The following NFATC1 variants were observed in gnomAD, a reference collection of about 807,000 sequenced individuals.
NFATC1 encodes the protein nuclear factor of activated T-cells, cytoplasmic 1.
A neutral mutation model predicts 76.0 loss-of-function variants in NFATC1; 22 were observed. The ratio of observed to expected loss-of-function variants is 0.29; its 90% CI spans 0.21 to 0.41. The LOEUF is 0.41. NFATC1 is among the 10% of genes least tolerant of loss of function. The pLI is 1.00. For missense variants in NFATC1, 1,357 were observed against 1,337.7 expected (o/e 1.01, Z -0.23); for synonymous variants, 704 against 613.1 (o/e 1.15, Z -2.19).
rs62096875 is a variant in NFATC1, at chr18:79,410,903, G to T, written c.628G>T (p.Val210Leu). The T allele has an allele frequency of 1.9e-6, 3 of 1,608,340 alleles. No individual in the cohort carries two copies. Among genetic ancestry groups the T allele is most frequent in the South Asian group, 2.2e-5 (2 of 90,690 alleles). The change falls in exon 2 of 10, where the codon GTG (valine) becomes TTG (leucine). Residue 210 changes from valine (V) to leucine (L), a missense_variant. By Grantham distance (32) the Val-to-Leu change is conservative (BLOSUM62 1). Coordinates refer to ENST00000427363, the MANE Select transcript of NFATC1 (RefSeq NM_001278669.2). The surrounding 1 kb of genome is among the most constrained non-coding windows in gnomAD (Gnocchi z 6.7). ...PQTSPWQSPC[V>L]SPKTTDPEEG... The stretch of plus-strand genomic sequence containing the variant: ...GACGTCGCCATGGCAGTCTCCCTGC[G>T]TGTCTCCCAAGACCACGGACCCCGA...
chr18:79,477,112 C>T (rs988747332), intron 8 of NFATC1, among the ~76,000 whole-genome samples: 3 of 152,170 alleles, frequency 2.0e-5, no homozygotes, highest in Admixed American at 1.3e-4. Context: ...CTCTCAGCCT[C>T]GAGGGATGGG....
At chr18:79,458,991 G>T (rs1298733766) in intron 6 of NFATC1, among the ~76,000 whole-genome samples, 1 of 152,220 alleles carries the variant, frequency 6.6e-6, no homozygotes, top group African/African-American at 2.4e-5. Flanking sequence ...CCCTCACCCT[G>T]GTCGACCTGA....
rs186399291 is a variant in NFATC1, at chr18:79,434,402, G to A, written c.1386+664G>A. On this transcript the variant is annotated intron_variant, in intron 3 of 9. Coordinates refer to ENST00000427363, the MANE Select transcript of NFATC1 (RefSeq NM_001278669.2). ...GTCGAGGGAGGGGTGTAATGACCGC[G>A]CCAGGGACGGGCAGCGTCTGCACAG... is the stretch of plus-strand genomic sequence containing the variant. 8.5e-5 allele frequency among the ~76,000 whole-genome samples: 13 copies of A among 152,332 alleles called. No homozygotes were observed. The East Asian group carries it at 2.1e-3, about 25-fold the overall frequency.
intron 8 of NFATC1, chr18:79,469,717 G>A (rs1190657932): frequency 2.0e-5 from 20 of 985,760 alleles, no homozygotes; most frequent in Non-Finnish European, 2.2e-5. Context: ...GCCTTCGCCC[G>A]TTCTCCCTCT....
At position 79,464,648 on chromosome 18, in the gene NFATC1, TTGTGTG is replaced by T. The variant is rs140357862; in HGVS notation, c.1960-2784_1960-2779del. On this transcript the variant is annotated intron_variant, in intron 7 of 9. Transcript: ENST00000427363. Reference sequence around the variant, plus strand: ...TACATTATATTGTGGATATATGTGTTTGTGTGTGTGTGTGTGTGTGTGTATATGTAT... The same window carrying T: ...TACATTATATTGTGGATATATGTGTTTGTGTGTGTGTGTGTGTATATGTAT... 1.5e-4 allele frequency among the ~76,000 whole-genome samples: 20 copies of T among 131,634 alleles called. 1 individual carries two copies. The highest frequency in any genetic ancestry group is 4.6e-4 in the South Asian group (2 of 4,320). The allele number at this position is 131,634 out of a possible 152,430, so 86.4% of individuals were successfully genotyped here.
chr18:79,497,415 G>C (rs2089917193), intron 9 of NFATC1: 1 of 152,228 alleles, frequency 6.6e-6, no homozygotes, highest in South Asian at 2.1e-4. Context: ...TGACAGCACA[G>C]ACCGTGGAGG....
At chr18:79,454,387 T>G (rs1242934919) in intron 6 of NFATC1, among the ~76,000 whole-genome samples, 1 of 152,168 alleles carries the variant, frequency 6.6e-6, no homozygotes, top group African/African-American at 2.4e-5. Flanking sequence ...CTCTGAGCTT[T>G]GGGAAGTTTT....
At chr18:79,483,627 C>A (rs2089393942) in intron 8 of NFATC1, among the ~76,000 whole-genome samples, 1 of 136,532 alleles carries the variant, frequency 7.3e-6, no homozygotes, top group Non-Finnish European at 1.6e-5. Context: ...CCTGGGGCGT[C>A]ACTCTGGCGT....
intron 8 of NFATC1, among the ~76,000 whole-genome samples, chr18:79,483,724 G>A (rs1425444159): frequency 2.1e-5 from 3 of 145,250 alleles, no homozygotes; most frequent in Non-Finnish European, 3.0e-5. Context: ...TAATTCCAGC[G>A]TGACCTGGTC....
At chr18:79,439,305 G>A (rs1048204620) in intron 3 of NFATC1, among the ~76,000 whole-genome samples, 1 of 152,202 alleles carries the variant, frequency 6.6e-6, no homozygotes, top group African/African-American at 2.4e-5. Context: ...CCCACCAGGA[G>A]CTGTGCTATT....
intron 7 of NFATC1, among the ~76,000 whole-genome samples, 158 bp downstream of exon 7, chr18:79,461,524 G>C (rs2088095889): frequency 9.2e-6 from 1 of 108,782 alleles, no homozygotes; most frequent in Admixed American, 8.4e-5. Flanking sequence ...AACAGAACCA[G>C]TAACAAACAG....
At chr18:79,521,018 GAT>G (rs2090537649) in intron 9 of NFATC1, among the ~76,000 whole-genome samples, 1 of 98,292 alleles carries the variant, frequency 1.0e-5, no homozygotes, top group African/African-American at 4.0e-5. Flanking sequence ...GGCATCCACT[GAT>G]ATGTGTGTCT....
At chr18:79,481,269 G>T (rs1323396650) in intron 8 of NFATC1, among the ~76,000 whole-genome samples, 2 of 152,254 alleles carry the variant, frequency 1.3e-5, no homozygotes. Flanking sequence ...AGCTGGGGGC[G>T]CCATGGCCTA....
intron 2 of NFATC1, among the ~76,000 whole-genome samples, chr18:79,412,945 G>C (rs1399690646): frequency 6.6e-6 from 1 of 152,206 alleles, no homozygotes; most frequent in Non-Finnish European, 1.5e-5. Flanking sequence ...ATCACAACGA[G>C]CCTGTGTCAG....
At chr18:79,423,125 C>T (rs894267615) in intron 2 of NFATC1, among the ~76,000 whole-genome samples, 2 of 151,602 alleles carry the variant, frequency 1.3e-5, no homozygotes, top group African/African-American at 4.9e-5. Flanking sequence ...GAGGGGATGA[C>T]TTCGATTTTT....
chr18:79,399,036 C>G (rs1343946086), intron 1 of NFATC1, among the ~76,000 whole-genome samples: 1 of 152,256 alleles, frequency 6.6e-6, no homozygotes, highest in Non-Finnish European at 1.5e-5. Flanking sequence ...CACTGCACTC[C>G]AGCCTGGGTG....
In NFATC1 at chr18:79,410,385, GCTT is replaced by G; in HGVS notation, c.128-14_128-12del. 1 of 1,587,386 alleles carries G rather than the reference GCTT, an allele frequency of 6.3e-7. No homozygotes were observed. The highest frequency in any genetic ancestry group is 8.6e-7 in the Non-Finnish European group (1 of 1,166,910). The stretch of plus-strand genomic sequence containing the variant: ...TGCCCAGCCCCTCATGCTCCCATCT[GCTT>G]CTTTTTCTCTCTAGAACACTATGGC... On this transcript the variant is annotated splice_polypyrimidine_tract_variant and intron_variant, in intron 1 of 9. Coordinates refer to ENST00000427363, the MANE Select transcript of NFATC1 (RefSeq NM_001278669.2). This position sits in a 1 kb window ranked among gnomAD's most constrained non-coding sequence, Gnocchi z 6.7.
intron 2 of NFATC1, among the ~76,000 whole-genome samples, chr18:79,427,436 GA>G (rs2086394070): frequency 1.9e-5 from 2 of 103,384 alleles, no homozygotes; most frequent in East Asian, 3.0e-4. Flanking sequence ...GGGTGGGGGG[GA>G]GCTGGACGGC....
chr18:79,408,282 A>G (rs1204202255), intron 1 of NFATC1, among the ~76,000 whole-genome samples: 6 of 152,240 alleles, frequency 3.9e-5, no homozygotes. Context: ...CAGTTGCACC[A>G]GGAGATGAAT....
Sources: gnomAD v4.1 joint callset for allele counts (sites outside exome capture counted in the v4.1 genomes callset) on GRCh38, gnomAD v4.1.1 for gene constraint, Gnocchi (gnomAD v3.1) non-coding constraint, MANE v1.5 for transcripts, NCBI Gene and HGNC (gene_info 2026-07-23, HGNC 2026-07-21) for gene names.